Variants in RARB observed in about 807,000 individuals in gnomAD.
RARB encodes the protein retinoic acid receptor beta, also known as HBV-activated protein.
RARB carries 17 observed loss-of-function variants against 51.9 expected under a neutral mutation model. The observed-to-expected ratio is 0.33, with a 90% confidence interval of 0.22 to 0.49. The LOEUF (loss-of-function observed/expected upper bound fraction) is 0.49. Among genes scored for constraint, RARB ranks in the 20% least tolerant of loss-of-function variants. RARB has a pLI of 0.99. For missense variants in RARB, 369 were observed against 550.8 expected (o/e 0.67, Z 3.30); for synonymous variants, 215 against 195.4 (o/e 1.10, Z -0.84).
chr3:25,586,518 G>C (rs1302331849), intron 5 of RARB, among the ~76,000 whole-genome samples: 1 of 151,922 alleles, frequency 6.6e-6, no homozygotes, highest in Admixed American at 6.6e-5. Flanking sequence ...GGAATATCAC[G>C]CCTGTTAAGG....
intron 3 of RARB, among the ~76,000 whole-genome samples, chr3:25,518,146 TA>T (rs1419948486): frequency 6.6e-6 from 1 of 152,190 alleles, no homozygotes; most frequent in East Asian, 1.9e-4. Flanking sequence ...ATCTTAATTT[TA>T]AAAAACCGAT....
At chr3:24,844,601 A>G (rs1051003894) in intron 1 of RARB, among the ~76,000 whole-genome samples, 1 of 152,332 alleles carries the variant, frequency 6.6e-6, no homozygotes, top group East Asian at 1.9e-4. Context: ...GTGAGAAACA[A>G]AACTGCAGGC....
chr3:25,020,909 C>T (rs1216709642), intron 2 of RARB, among the ~76,000 whole-genome samples: 2 of 152,116 alleles, frequency 1.3e-5, no homozygotes, highest in Non-Finnish European at 2.9e-5. Context: ...TCAGAGGTTG[C>T]AGTGAGCCGA....
intron 5 of RARB, among the ~76,000 whole-genome samples, chr3:25,417,594 A>G (rs1448555422): frequency 6.6e-6 from 1 of 152,128 alleles, no homozygotes. Context: ...TTCACCTTCC[A>G]CCATGATTAT....
At chr3:25,462,297 C>G (rs2125556853) in intron 2 of RARB, 1 of 152,072 alleles carries the variant, frequency 6.6e-6, no homozygotes, top group East Asian at 1.9e-4. Context: ...AGAGCTTCTT[C>G]TTTTTTTTCA....
chr3:25,237,882 C>CT lies in RARB; in HGVS notation c.178+63316dup, dbSNP rs796278487. 1.1e-4 allele frequency among the ~76,000 whole-genome samples: 16 copies of CT among 150,824 alleles called. 1 individual carries two copies. Among genetic ancestry groups the CT allele is most frequent in the Non-Finnish European group, 7.4e-5 (5 of 67,576 alleles). ...ATATATGGTCTGTTGTGACTGGCTTCTTTTTTTTTATTGATACATAATATT... is the reference window on the plus strand; with the variant it reads ...ATATATGGTCTGTTGTGACTGGCTTCTTTTTTTTTTATTGATACATAATATT... On this transcript the variant is annotated intron_variant, in intron 5 of 11. Transcript: ENST00000383772.
intron 5 of RARB, among the ~76,000 whole-genome samples, chr3:25,402,971 T>C (rs1707305082): frequency 6.6e-6 from 1 of 152,144 alleles, no homozygotes; most frequent in East Asian, 1.9e-4. Flanking sequence ...GAGACCAGCC[T>C]GGCCAACATA....
At chr3:25,170,909 T>A (rs767685067) in intron 4 of RARB, among the ~76,000 whole-genome samples, 1 of 152,212 alleles carries the variant, frequency 6.6e-6, no homozygotes, top group South Asian at 2.1e-4. Context: ...CATGTGTGAT[T>A]CAAGTGGTTG....
intron 2 of RARB, among the ~76,000 whole-genome samples, chr3:24,874,782 C>T (rs1293610701): frequency 2.6e-5 from 4 of 151,826 alleles, no homozygotes; most frequent in Non-Finnish European, 5.9e-5. Context: ...GCAGTTACCA[C>T]AATTTTAAAT....
chr3:24,840,400 T>C (rs1702404912), intron 1 of RARB, among the ~76,000 whole-genome samples: 1 of 152,164 alleles, frequency 6.6e-6, no homozygotes, highest in Non-Finnish European at 1.5e-5. Context: ...TATTGCCCCC[T>C]TAGCTGAGGT....
chr3:24,998,281 T>G (rs116055741), intron 2 of RARB, among the ~76,000 whole-genome samples: 5,805 of 151,728 alleles, frequency 0.038, 148 homozygotes, highest in Middle Eastern at 0.061. Context: ...TAGTTTGTTT[T>G]TTTTTTTTTC....
chr3:24,859,426 T>C (rs180779013), intron 2 of RARB, among the ~76,000 whole-genome samples: 11 of 152,294 alleles, frequency 7.2e-5, no homozygotes, highest in Non-Finnish European at 1.5e-4. Context: ...TAGTTAAGCA[T>C]TAGAATGCCT....
chr3:24,949,871 T>TA lies in RARB; in HGVS notation c.-380+91128dup, dbSNP rs199782298. ...TTCCTCCAATATCCGGCAACTGGGT[T>TA]AAAAAAAAATACTAGCCTACATTGG... On this transcript the variant is annotated intron_variant, in intron 2 of 11. Transcript: ENST00000383772. Among the ~76,000 whole-genome samples, 633 of 151,542 alleles carry TA rather than the reference T, an allele frequency of 4.2e-3. 6 individuals are homozygous for TA. Among genetic ancestry groups the TA allele is most frequent in the African/African-American group, 0.014 (566 of 41,376 alleles).
intron 5 of RARB, among the ~76,000 whole-genome samples, chr3:25,306,071 T>C (rs1240514088): frequency 6.6e-6 from 1 of 152,068 alleles, no homozygotes; most frequent in Non-Finnish European, 1.5e-5. Flanking sequence ...TCCGCTGTAT[T>C]ATAAGTAGCT....
chr3:25,241,546 A>G (rs1258298328), intron 5 of RARB, among the ~76,000 whole-genome samples: 4 of 152,082 alleles, frequency 2.6e-5, no homozygotes, highest in South Asian at 2.1e-4. Context: ...ACTCCTACCT[A>G]TGAATGAGAA....
At chr3:25,366,413 G>A (rs1322330070) in intron 5 of RARB, among the ~76,000 whole-genome samples, 10 of 152,228 alleles carry the variant, frequency 6.6e-5, no homozygotes, top group Admixed American at 2.0e-4. Flanking sequence ...AACAACATCC[G>A]CACAACAATT....
chr3:24,937,040 T>G (rs1695561084), intron 2 of RARB, among the ~76,000 whole-genome samples: 1 of 152,214 alleles, frequency 6.6e-6, no homozygotes, highest in Admixed American at 6.5e-5. Context: ...GAAACTTTTG[T>G]GACTATTGTC....
chr3:25,021,388 T>C (rs373487182), intron 2 of RARB, among the ~76,000 whole-genome samples: 1 of 152,118 alleles, frequency 6.6e-6, no homozygotes, highest in Non-Finnish European at 1.5e-5. Flanking sequence ...GCCTTTTTTT[T>C]AGTCAGATCA....
intron 5 of RARB, among the ~76,000 whole-genome samples, chr3:25,225,253 G>A (rs1702030981): frequency 6.6e-6 from 1 of 152,132 alleles, no homozygotes; most frequent in African/African-American, 2.4e-5. Flanking sequence ...TTTCAATGTG[G>A]AAAGTTAATT....
Sources: allele counts gnomAD v4.1 joint callset (sites outside exome capture counted in the v4.1 genomes callset), GRCh38; gene constraint gnomAD v4.1.1; transcripts MANE v1.5; gene names NCBI Gene and HGNC (gene_info 2026-07-23, HGNC 2026-07-21).